HAUS6: variants seen among roughly 807,000 people sequenced by gnomAD.
HAUS6 encodes the protein HAUS augmin like complex subunit 6, also known as HAUS augmin-like complex subunit 6.
HAUS6 carries 80 observed loss-of-function variants against 106.8 expected under a neutral mutation model. The observed-to-expected ratio is 0.75, with a 90% CI of 0.63 to 0.90. HAUS6 has a LOEUF of 0.90. Ranked by LOEUF, HAUS6 falls within the 40% of genes least tolerant of loss-of-function variation. The probability of loss-of-function intolerance (pLI) is 0.00; values close to 1 mark genes in which losing one functional copy is unlikely to be tolerated. For synonymous variants in HAUS6, 356 were observed against 379.1 expected (o/e 0.94, Z 0.71); for missense variants, 1,155 against 1,118.1 (o/e 1.03, Z -0.47).
At chr9:19,087,846 CAAAA>C (rs71333081) in intron 5 of HAUS6, among the ~76,000 whole-genome samples, 4 of 78,740 alleles carry the variant, frequency 5.1e-5, no homozygotes, top group South Asian at 1.2e-3. Flanking sequence ...GACCTTGTCT[CAAAA>C]AAAAAAAAAA....
intron 3 of HAUS6, 79 bp from the exon 4 acceptor site, chr9:19,093,382 A>G (rs755482866): frequency 1.6e-5 from 21 of 1,283,180 alleles, no homozygotes; most frequent in Non-Finnish European, 2.3e-5. Flanking sequence ...ATTTTTGTTA[A>G]AGGGTGTGAC....
At chr9:19,088,380 C>T (rs1297732713) in intron 5 of HAUS6, among the ~76,000 whole-genome samples, 2 of 149,278 alleles carry the variant, frequency 1.3e-5, no homozygotes, top group African/African-American at 2.5e-5. Flanking sequence ...TGTGACACTG[C>T]GCTCCAGCCA....
At chr9:19,087,413 T>C (rs1420444823) in intron 5 of HAUS6, among the ~76,000 whole-genome samples, 1 of 152,176 alleles carries the variant, frequency 6.6e-6, no homozygotes, top group Non-Finnish European at 1.5e-5. Context: ...TCTGCTCTTA[T>C]CCTCATCTCA....
chr9:19,080,400 G>A (rs539178127), intron 9 of HAUS6, 79 bp downstream of exon 9: 1 of 833,010 alleles, frequency 1.2e-6, no homozygotes, highest in South Asian at 1.4e-5. Flanking sequence ...AAGCTGAAGA[G>A]CTATTAAACT....
intron 11 of HAUS6, among the ~76,000 whole-genome samples, chr9:19,072,776 A>G (rs1250125506): frequency 6.6e-6 from 1 of 152,186 alleles, no homozygotes; most frequent in African/African-American, 2.4e-5. Context: ...AGAACAAAAG[A>G]ATAGACCAAA....
At chr9:19,068,732 T>C (rs951578682) in intron 12 of HAUS6, among the ~76,000 whole-genome samples, 3 of 151,064 alleles carry the variant, frequency 2.0e-5, no homozygotes, top group Admixed American at 1.3e-4. Flanking sequence ...AAAAAACTAA[T>C]AAAGGAAAGT....
rs775389859 is a variant in HAUS6, at chr9:19,058,426, G to A, written c.2341C>T (p.Pro781Ser). ...NDFGILHETL[P>S]EEVGHLSFNS... Reference sequence around the variant, plus strand: ...AAACTTAGATGACCAACTTCTTCCGGGAGAGTTTCGTGTAATATGCCAAAA... The same window carrying A: ...AAACTTAGATGACCAACTTCTTCCGAGAGAGTTTCGTGTAATATGCCAAAA... Residue 781 changes from proline (P) to serine (S), a missense_variant, in exon 16 of 17, where the codon CCG becomes TCG. Pro to Ser is a moderately conservative substitution (Grantham distance 74). Transcript: ENST00000380502. The A allele has an allele frequency of 6.2e-7, 1 of 1,607,004 alleles. No homozygotes were observed. The highest frequency in any genetic ancestry group is 1.1e-5 in the South Asian group (1 of 90,856).
intron 5 of HAUS6, among the ~76,000 whole-genome samples, chr9:19,087,864 A>AAAAAAAG (rs1564018261): frequency 2.0e-5 from 3 of 148,602 alleles, no homozygotes; most frequent in African/African-American, 2.5e-5. Flanking sequence ...AAAAAAAAAA[A>AAAAAAAG]AAAAAAACCA....
rs1836419384 is a variant in HAUS6, at chr9:19,054,125, G to A, written c.*2218C>T. ...AGAGAGCTGTAATTGTGGTAAACTA[G>A]TAGAGGAAAGCAAGGTATTCCTGCT... On this transcript the variant is annotated 3_prime_UTR_variant, in exon 17 of 17. Transcript: ENST00000380502. 1 of 152,142 alleles carries A rather than the reference G, an allele frequency of 6.6e-6. No individual in the cohort carries two copies. Among genetic ancestry groups the A allele is most frequent in the Non-Finnish European group, 1.5e-5 (1 of 68,016 alleles). The allele number at this position is 152,142 out of a possible 1,614,324, so 9.4% of individuals were successfully genotyped here. A position where few individuals can be genotyped will look rare whatever the true frequency, so the allele number is the denominator to read the frequency against.
chr9:19,096,527 T>C (rs1358296801), intron 2 of HAUS6, 147 bp downstream of exon 2: 1 of 510,210 alleles, frequency 2.0e-6, no homozygotes, highest in African/African-American at 2.6e-5. Flanking sequence ...ATCACGCCAC[T>C]GCACTCCAGC....
chr9:19,062,315 G>A (rs934400076), intron 14 of HAUS6, among the ~76,000 whole-genome samples: 8 of 152,144 alleles, frequency 5.3e-5, no homozygotes, highest in South Asian at 2.1e-4. Context: ...TCAAAAAAAA[G>A]AGGAAACTCA....
At chr9:19,060,418 A>G (rs552894061) in intron 14 of HAUS6, among the ~76,000 whole-genome samples, 195 bp from the exon 15 acceptor site, 1 of 152,348 alleles carries the variant, frequency 6.6e-6, no homozygotes, top group East Asian at 1.9e-4. Flanking sequence ...AAGTGAAATG[A>G]AACACTGAAG....
Position 19,063,588 on chromosome 9 carries a change from G to T in HAUS6, c.1377-8C>A. 5 of 1,592,858 alleles carry T rather than the reference G, an allele frequency of 3.1e-6. No individual in the cohort carries two copies. The South Asian group carries it at 4.4e-5, about 14-fold the overall frequency. The stretch of plus-strand genomic sequence containing the variant: ...GACAAGAAAGAGGCAGGGCTAAAAG[G>T]AAAAAAGACAACAAATCCAAGTTAT... On this transcript the variant is annotated splice_polypyrimidine_tract_variant and splice_region_variant and intron_variant, in intron 12 of 16. Transcript: ENST00000380502.
chr9:19,088,213 G>A (rs1043979334), intron 5 of HAUS6, among the ~76,000 whole-genome samples: 3 of 151,994 alleles, frequency 2.0e-5, no homozygotes, highest in Non-Finnish European at 4.4e-5. Flanking sequence ...TCAGGAGTTC[G>A]AGACCAGCTT....
chr9:19,091,249 G>A (rs569703517), intron 4 of HAUS6, among the ~76,000 whole-genome samples: 24 of 151,650 alleles, frequency 1.6e-4, no homozygotes, highest in African/African-American at 5.6e-4. Context: ...GCAGTAAGCC[G>A]AGATCGCGCC....
chr9:19,090,929 A>T (rs906129445), intron 4 of HAUS6, among the ~76,000 whole-genome samples: 1 of 152,148 alleles, frequency 6.6e-6, no homozygotes, highest in Non-Finnish European at 1.5e-5. Context: ...TACAACAAAA[A>T]CATGAATATT....
chr9:19,077,164 G>C (rs1837028744), intron 10 of HAUS6, among the ~76,000 whole-genome samples: 1 of 152,162 alleles, frequency 6.6e-6, no homozygotes, highest in Non-Finnish European at 1.5e-5. Context: ...TTTTAAAGCA[G>C]AGTACAACAT....
At chr9:19,062,372 A>C (rs1157183499) in intron 14 of HAUS6, among the ~76,000 whole-genome samples, 2 of 152,248 alleles carry the variant, frequency 1.3e-5, no homozygotes, top group Non-Finnish European at 2.9e-5. Context: ...TATAGTATAA[A>C]CACTGGGTAC....
At chr9:19,069,781 T>C (rs1218387265) in intron 12 of HAUS6, among the ~76,000 whole-genome samples, 1 of 151,732 alleles carries the variant, frequency 6.6e-6, no homozygotes, top group Non-Finnish European at 1.5e-5. Flanking sequence ...ATAAAATTAA[T>C]ATATAAAAAA....
Sources: allele counts gnomAD v4.1 joint callset (sites outside exome capture counted in the v4.1 genomes callset), GRCh38; gene constraint gnomAD v4.1.1; transcripts MANE v1.5; gene names NCBI Gene and HGNC (gene_info 2026-07-23, HGNC 2026-07-21).